Variants in MTCH2 observed in about 807,000 individuals in gnomAD.
The protein encoded by MTCH2 is mitochondrial carrier 2.
A neutral mutation model predicts 50.6 loss-of-function variants in MTCH2; 25 were observed. That is an observed-to-expected ratio of 0.49 (90% confidence interval 0.36 to 0.69). The LOEUF is 0.69. Among genes scored for constraint, MTCH2 ranks in the 30% least tolerant of loss-of-function variants. The pLI is 0.00. For missense variants in MTCH2, 273 were observed against 384.4 expected (o/e 0.71, Z 2.42); for synonymous variants, 106 against 132.0 (o/e 0.80, Z 1.35).
intron 9 of MTCH2, among the ~76,000 whole-genome samples, 158 bp downstream of exon 9, chr11:47,628,795 C>T (rs2097300409): frequency 6.6e-6 from 1 of 152,160 alleles, no homozygotes; most frequent in South Asian, 2.1e-4. Context: ...CCAGGCTGGT[C>T]TCGAACTCTT....
intron 3 of MTCH2, among the ~76,000 whole-genome samples, chr11:47,636,435 GA>G (rs1057474975): frequency 5.6e-5 from 8 of 144,080 alleles, no homozygotes; most frequent in Non-Finnish European, 7.6e-5. Flanking sequence ...CTCCATCTCA[GA>G]AAAAAAGAAA....
intron 10 of MTCH2, 117 bp downstream of exon 10, chr11:47,626,963 T>A (rs745755926): frequency 5.3e-6 from 4 of 752,364 alleles, no homozygotes; most frequent in Middle Eastern, 2.7e-4. Flanking sequence ...TTCAGGGAGA[T>A]GTCCCAGTGA....
intron 12 of MTCH2, among the ~76,000 whole-genome samples, chr11:47,622,254 T>C (rs951145717): frequency 4.6e-5 from 7 of 152,128 alleles, no homozygotes; most frequent in Non-Finnish European, 7.4e-5. Flanking sequence ...AAACCCTAAA[T>C]TGGTATCTAG....
chr11:47,609,431 C>T, the MTCH2 span, among the ~76,000 whole-genome samples: 1 of 141,906 alleles, frequency 7.0e-6, no homozygotes, highest in South Asian at 2.2e-4. Context: ...GCACTCCAGC[C>T]TGGGCGACAG....
Position 47,631,077 on chromosome 11 carries a change from C to T in MTCH2, c.438G>A (p.Leu146=), listed in dbSNP as rs1166210707. The change falls in exon 7 of 13, where the codon CTG becomes CTA. Residue 146 remains leucine (L), a synonymous_variant. Transcript: ENST00000302503. ...TGCCAATGAACTGTACCATAGATCT[C>T]AGAGTGATCACTGTGGAATATAGAG... ...LITHPFHVIT[L]RSMVQFIGRE... 3 of 1,612,900 alleles carry T rather than the reference C, an allele frequency of 1.9e-6. No homozygotes were observed. The highest frequency in any genetic ancestry group is 1.1e-5 in the South Asian group (1 of 91,036).
At chr11:47,612,422 G>C (rs999824554), downstream of MTCH2, among the ~76,000 whole-genome samples, 2 of 152,126 alleles carry the variant, frequency 1.3e-5, no homozygotes, top group Non-Finnish European at 2.9e-5. Context: ...AAAAAAATTA[G>C]CCGGGCGTGG....
chr11:47,631,531 A>C (rs546107960), intron 6 of MTCH2, 123 bp downstream of exon 6: 2 of 944,130 alleles, frequency 2.1e-6, no homozygotes, highest in Admixed American at 2.5e-5. Flanking sequence ...ATAAAAGCCA[A>C]AACAAGCAAG....
At chr11:47,637,413 A>G (rs978705897) in intron 3 of MTCH2, among the ~76,000 whole-genome samples, 9 of 152,238 alleles carry the variant, frequency 5.9e-5, no homozygotes, top group East Asian at 1.9e-4. Flanking sequence ...CCTGCATAAA[A>G]GGACAGAGAA....
At chr11:47,630,403 G>C (rs1042976955) in intron 8 of MTCH2, 152 bp downstream of exon 8, 1 of 657,490 alleles carries the variant, frequency 1.5e-6, no homozygotes. Context: ...AGAGAAAAAA[G>C]AAAAAAAAAT....
At chr11:47,636,595 G>A (rs1206226033) in intron 3 of MTCH2, among the ~76,000 whole-genome samples, 4 of 151,742 alleles carry the variant, frequency 2.6e-5, no homozygotes, top group African/African-American at 9.7e-5. Flanking sequence ...AGCTGGGCGT[G>A]GTGGTAGGTG....
At chr11:47,639,622 TG>T (rs1311088463) in intron 1 of MTCH2, among the ~76,000 whole-genome samples, 2 of 152,200 alleles carry the variant, frequency 1.3e-5, no homozygotes, top group African/African-American at 4.8e-5. Flanking sequence ...ATGGATCACC[TG>T]AGGTCAGGAG....
In MTCH2 at chr11:47,625,785, T is replaced by C. The variant is rs1473040624; in HGVS notation, c.682-44A>G. The C allele has an allele frequency of 3.3e-6, 5 of 1,502,254 alleles. No homozygotes were observed. The South Asian group carries it at 3.4e-5, about 10-fold the overall frequency. 93.1% of individuals were successfully genotyped at this position (1,502,254 alleles called of 1,614,324 possible). On this transcript the variant is annotated intron_variant, in intron 10 of 12. Transcript: ENST00000302503. ...GCAGCTGTTATTAGATCATTCCTAG[T>C]CTTTATTCTCCTTTCCTTTACCTTA...
intron 5 of MTCH2, among the ~76,000 whole-genome samples, chr11:47,632,903 T>C (rs949574838): frequency 6.6e-6 from 1 of 150,782 alleles, no homozygotes; most frequent in Non-Finnish European, 1.5e-5. Flanking sequence ...GATTTCGCCA[T>C]GTTGGCCAAG....
chr11:47,604,352 G>A, the MTCH2 span, among the ~76,000 whole-genome samples: 1 of 151,966 alleles, frequency 6.6e-6, no homozygotes, highest in African/African-American at 2.4e-5. Context: ...AGATCAATGA[G>A]GTTTATTATA....
chr11:47,616,105 T>G (rs1350819874), downstream of MTCH2, among the ~76,000 whole-genome samples: 2 of 151,522 alleles, frequency 1.3e-5, no homozygotes, highest in Non-Finnish European at 2.9e-5. Flanking sequence ...ATTACAGGCA[T>G]GTGCCACCAC....
chr11:47,630,395 A>G (rs940353975), intron 8 of MTCH2, among the ~76,000 whole-genome samples, 160 bp downstream of exon 8: 1 of 152,182 alleles, frequency 6.6e-6, no homozygotes, highest in Admixed American at 6.6e-5. Context: ...CTTTCTGCAG[A>G]GAAAAAAGAA....
intron 9 of MTCH2, among the ~76,000 whole-genome samples, chr11:47,628,479 T>A (rs187556278): frequency 7.5e-4 from 114 of 152,378 alleles, no homozygotes; most frequent in Non-Finnish European, 1.2e-3. Flanking sequence ...CAGTGAACAG[T>A]ATGCTCATTT....
chr11:47,626,087 T>C (rs571664821), intron 10 of MTCH2, among the ~76,000 whole-genome samples: 1 of 152,074 alleles, frequency 6.6e-6, no homozygotes, highest in East Asian at 1.9e-4. Context: ...ATTGGCTCAC[T>C]GCAACCTCCG....
the MTCH2 span, among the ~76,000 whole-genome samples, chr11:47,611,408 G>A: frequency 6.6e-6 from 1 of 152,378 alleles, no homozygotes; most frequent in African/African-American, 2.4e-5. Flanking sequence ...GCCCCGGCTA[G>A]ATGGCCAGCC....
Sources: gnomAD v4.1 joint callset for allele counts (sites outside exome capture counted in the v4.1 genomes callset) on GRCh38, gnomAD v4.1.1 for gene constraint, MANE v1.5 for transcripts, NCBI Gene and HGNC (gene_info 2026-07-23, HGNC 2026-07-21) for gene names.